The following TSPEAR variants were observed in gnomAD, a reference collection of about 807,000 sequenced individuals.
TSPEAR encodes thrombospondin-type laminin G domain and EAR repeat-containing protein.
TSPEAR carries 69 observed loss-of-function variants against 71.6 expected under a neutral mutation model. That is an observed-to-expected ratio of 0.96 (90% CI 0.79 to 1.18). The LOEUF (loss-of-function observed/expected upper bound fraction) is 1.18. TSPEAR is among the 50% of genes most tolerant of loss of function. The pLI is 0.00. For missense variants in TSPEAR, 971 were observed against 894.9 expected (o/e 1.09, Z -1.09); for synonymous variants, 402 against 387.2 (o/e 1.04, Z -0.45).
At chr21:44,500,007 C>T in intron 11 of TSPEAR, 71 bp from the exon 12 acceptor site, 1 of 1,483,720 alleles carries the variant, frequency 6.7e-7, no homozygotes, top group South Asian at 1.3e-5. Flanking sequence ...CGGCTCCCAC[C>T]CGCGCTGTCA....
At chr21:44,568,239 G>A (rs1312238443) in intron 1 of TSPEAR, among the ~76,000 whole-genome samples, 1 of 152,162 alleles carries the variant, frequency 6.6e-6, no homozygotes, top group Admixed American at 6.5e-5. Context: ...GATCTTGCAC[G>A]GCTGCCTCTG....
intron 1 of TSPEAR, among the ~76,000 whole-genome samples, chr21:44,699,637 C>T (rs369829517): frequency 2.6e-5 from 4 of 152,300 alleles, no homozygotes; most frequent in African/African-American, 9.6e-5. Flanking sequence ...GCGCCTGGCC[C>T]TGTAACGCCG....
At chr21:44,515,991 T>G (rs2052554213) in intron 9 of TSPEAR, 1 of 152,196 alleles carries the variant, frequency 6.6e-6, no homozygotes, top group Non-Finnish European at 1.5e-5. Context: ...AGGAGGCGAT[T>G]CATGTGGACA....
chr21:44,516,135 C>G (rs587681118), intron 9 of TSPEAR: 103 of 152,384 alleles, frequency 6.8e-4, no homozygotes, highest in African/African-American at 2.3e-3. Context: ...TGAGGATGCG[C>G]AGCCACAGAC....
chr21:44,641,020 C>G (rs1378930159), intron 1 of TSPEAR, among the ~76,000 whole-genome samples: 3 of 152,144 alleles, frequency 2.0e-5, no homozygotes, highest in Non-Finnish European at 4.4e-5. Context: ...CTGGAGCCCC[C>G]ATGTCCAATC....
chr21:44,648,356 G>A (rs1555940702), intron 1 of TSPEAR, among the ~76,000 whole-genome samples: 3 of 152,204 alleles, frequency 2.0e-5, no homozygotes, highest in African/African-American at 4.8e-5. Flanking sequence ...CAGGGAAGAA[G>A]CAACAGAACA....
chr21:44,655,820 G>C (rs1178047001), intron 1 of TSPEAR, among the ~76,000 whole-genome samples: 3 of 152,316 alleles, frequency 2.0e-5, no homozygotes, highest in South Asian at 2.1e-4. Context: ...GAGCTACTCT[G>C]TCCATCCCAG....
At chr21:44,523,002 T>TGA (rs1395409316) in intron 8 of TSPEAR, among the ~76,000 whole-genome samples, 1 of 151,966 alleles carries the variant, frequency 6.6e-6, no homozygotes, top group Non-Finnish European at 1.5e-5. Context: ...TAGTCAGTCA[T>TGA]CAGTTAGTCA....
chr21:44,599,137 T>TCTCTCTCTCTCTCTCG (rs1381561820), intron 1 of TSPEAR, among the ~76,000 whole-genome samples: 11 of 117,950 alleles, frequency 9.3e-5, no homozygotes, highest in South Asian at 2.9e-4. Flanking sequence ...CCCCATTTTC[T>TCTCTCTCTCTCTCTCG]CTCTCTCTCT....
At chr21:44,709,037 G>A (rs1304167481) in intron 1 of TSPEAR, among the ~76,000 whole-genome samples, 1 of 152,242 alleles carries the variant, frequency 6.6e-6, no homozygotes, top group African/African-American at 2.4e-5. Flanking sequence ...TCAGGACAGG[G>A]AGAGGCAATG....
chr21:44,588,991 G>T (rs1487345243), intron 1 of TSPEAR, among the ~76,000 whole-genome samples: 2 of 151,728 alleles, frequency 1.3e-5, no homozygotes, highest in African/African-American at 4.9e-5. Flanking sequence ...GGACTTTGGG[G>T]ACTGAGAGGG....
intron 1 of TSPEAR, among the ~76,000 whole-genome samples, chr21:44,703,628 C>T (rs1469058486): frequency 6.6e-6 from 1 of 152,320 alleles, no homozygotes; most frequent in Non-Finnish European, 1.5e-5. Flanking sequence ...TCTGTTTGTG[C>T]TTGTGAAGGC....
intron 9 of TSPEAR, among the ~76,000 whole-genome samples, chr21:44,514,914 G>A (rs1004701759): frequency 5.3e-5 from 8 of 152,226 alleles, no homozygotes; most frequent in South Asian, 2.1e-4. Context: ...CATGCCCACC[G>A]ACCATTCCCT....
chr21:44,505,630 C>T (rs2052180272), intron 10 of TSPEAR, among the ~76,000 whole-genome samples: 2 of 138,122 alleles, frequency 1.4e-5, no homozygotes, highest in African/African-American at 5.4e-5. Flanking sequence ...ATGAATTTGA[C>T]CACTCTAGGG....
chr21:44,517,682 T>C (rs895726979), intron 9 of TSPEAR: 7 of 449,676 alleles, frequency 1.6e-5, no homozygotes, highest in African/African-American at 1.0e-4. Flanking sequence ...GCCACTGACA[T>C]GTGGGAGCCG....
At chr21:44,680,568 AT>A (rs1986533484) in intron 1 of TSPEAR, among the ~76,000 whole-genome samples, 1 of 152,246 alleles carries the variant, frequency 6.6e-6, no homozygotes, top group Non-Finnish European at 1.5e-5. Flanking sequence ...GAATTGGTGT[AT>A]CAAAAAGATA....
chr21:44,580,534 G>A (rs782624088), intron 1 of TSPEAR: 19 of 1,613,628 alleles, frequency 1.2e-5, no homozygotes, highest in Non-Finnish European at 1.4e-5. Context: ...CTCGCCAGGA[G>A]TCAGAGCAAG....
At chr21:44,648,639 G>T (rs1984583272) in intron 1 of TSPEAR, among the ~76,000 whole-genome samples, 1 of 152,212 alleles carries the variant, frequency 6.6e-6, no homozygotes, top group Admixed American at 6.5e-5. Context: ...TCGGCACAGG[G>T]CGCACCAACA....
At chr21:44,673,839 GAAC>G (rs1427679331) in intron 1 of TSPEAR, among the ~76,000 whole-genome samples, 2 of 151,942 alleles carry the variant, frequency 1.3e-5, no homozygotes, top group African/African-American at 4.8e-5. Flanking sequence ...TGTGGAAATT[GAAC>G]AACATGTTCC....
Sources: gnomAD v4.1 joint callset for allele counts (sites outside exome capture counted in the v4.1 genomes callset) on GRCh38, gnomAD v4.1.1 for gene constraint, MANE v1.5 for transcripts, NCBI Gene and HGNC (gene_info 2026-07-23, HGNC 2026-07-21) for gene names.